Variants in TNNI3K observed in about 807,000 individuals in gnomAD.
TNNI3K encodes serine/threonine-protein kinase TNNI3K.
A neutral mutation model predicts 114.5 loss-of-function variants in TNNI3K; 140 were observed. The ratio of observed to expected loss-of-function variants is 1.22; its 90% CI spans 1.07 to 1.41. The LOEUF is 1.41. TNNI3K is among the 40% of genes most tolerant of loss of function. TNNI3K has a pLI of 0.00. For missense variants in TNNI3K, 1,125 were observed against 1,007.6 expected (o/e 1.12, Z -1.58); for synonymous variants, 347 against 347.5 (o/e 1.00, Z 0.02).
intron 5 of TNNI3K, among the ~76,000 whole-genome samples, chr1:74,277,164 C>T (rs1159990007): frequency 6.6e-6 from 1 of 152,080 alleles, no homozygotes; most frequent in Non-Finnish European, 1.5e-5. Flanking sequence ...CATTCACATA[C>T]ATTTGTCATT....
At chr1:74,337,506 G>A (rs1207885425) in intron 7 of TNNI3K, among the ~76,000 whole-genome samples, 2 of 152,214 alleles carry the variant, frequency 1.3e-5, no homozygotes, top group East Asian at 3.9e-4. Flanking sequence ...AAAGTAAAGA[G>A]TTCTCTTAGA....
intron 20 of TNNI3K, among the ~76,000 whole-genome samples, chr1:74,461,140 C>A (rs985248686): frequency 2.6e-5 from 4 of 152,140 alleles, no homozygotes; most frequent in Non-Finnish European, 4.4e-5. Flanking sequence ...TGCTGAGCAC[C>A]AGTTTGTTTG....
chr1:74,285,631 A>G (rs560986084), intron 5 of TNNI3K, among the ~76,000 whole-genome samples: 1 of 152,206 alleles, frequency 6.6e-6, no homozygotes, highest in Non-Finnish European at 1.5e-5. Context: ...GGAACTGCAC[A>G]CTAGAAATCA....
intron 17 of TNNI3K, among the ~76,000 whole-genome samples, chr1:74,427,483 T>C (rs1665693441): frequency 6.6e-6 from 1 of 152,050 alleles, no homozygotes; most frequent in South Asian, 2.1e-4. Context: ...AATCCAAGTT[T>C]CACAACCAAT....
Position 74,448,915 on chromosome 1 carries a change from TA to T in TNNI3K, c.2011+9297del, listed in dbSNP as rs1557572914. ...TCAATGTTCATCAAGGATATTGGTC[TA>T]AAATTCTCTTTTTTGGTTGTGTCTC... On this transcript the variant is annotated intron_variant, in intron 20 of 24. Transcript: ENST00000326637. Among the ~76,000 whole-genome samples, 2 of 65,284 alleles carry T rather than the reference TA, an allele frequency of 3.1e-5. 1 individual carries two copies. The highest frequency in any genetic ancestry group is 1.2e-4 in the African/African-American group (2 of 16,524). 42.8% of individuals were successfully genotyped at this position (65,284 alleles called of 152,430 possible).
intron 17 of TNNI3K, among the ~76,000 whole-genome samples, chr1:74,430,294 A>T (rs1168932392): frequency 6.6e-6 from 1 of 152,160 alleles, no homozygotes; most frequent in Admixed American, 6.6e-5. Context: ...CAGGCAATTA[A>T]AATGAAAAGA....
chr1:74,437,282 G>A (rs1666177515), intron 19 of TNNI3K, among the ~76,000 whole-genome samples: 3 of 151,976 alleles, frequency 2.0e-5, no homozygotes, highest in Non-Finnish European at 4.4e-5. Context: ...CTGGACTAGT[G>A]TCATAATAGG....
intron 2 of TNNI3K, among the ~76,000 whole-genome samples, chr1:74,245,618 A>G (rs568367043): frequency 2.6e-5 from 4 of 152,356 alleles, no homozygotes; most frequent in East Asian, 1.9e-4. Flanking sequence ...GAAAGGTACT[A>G]TAAATTCAGA....
intron 17 of TNNI3K, among the ~76,000 whole-genome samples, chr1:74,431,224 G>T (rs1665882517): frequency 6.6e-6 from 1 of 151,952 alleles, no homozygotes; most frequent in Non-Finnish European, 1.5e-5. Context: ...AAAATCACAG[G>T]ACTAGTAACA....
chr1:74,332,221 C>T (rs1660239089), intron 6 of TNNI3K, among the ~76,000 whole-genome samples: 1 of 151,810 alleles, frequency 6.6e-6, no homozygotes, highest in Admixed American at 6.6e-5. Flanking sequence ...TGAGCTTATA[C>T]TATGGGATAG....
In TNNI3K at chr1:74,492,244, TCCTATG is replaced by T. The variant is rs1669118013; in HGVS notation, c.2331_2336del (p.Tyr778_Ala779del). 1.2e-6 allele frequency: 2 copies of T among 1,601,528 alleles called. No homozygotes were observed. Among genetic ancestry groups the T allele is most frequent in the East Asian group, 4.5e-5 (2 of 44,670 alleles). On this transcript the variant is annotated inframe_deletion, in exon 23 of 25. Transcript: ENST00000326637. ...ATTGGAATATGCTCTAAATGCAAGG[TCCTATG>T]CTGCTTTGTCCCAAAGGTGAGTGGT...
intron 17 of TNNI3K, among the ~76,000 whole-genome samples, chr1:74,386,547 AG>A (rs1663489205): frequency 6.6e-6 from 1 of 152,188 alleles, no homozygotes; most frequent in South Asian, 2.1e-4. Context: ...ATCAAGTTCA[AG>A]AAAGGAAGCC....
intron 5 of TNNI3K, among the ~76,000 whole-genome samples, chr1:74,308,558 G>T (rs1000115313): frequency 5.3e-5 from 8 of 152,124 alleles, no homozygotes; most frequent in Non-Finnish European, 8.8e-5. Flanking sequence ...CAAGAAGATA[G>T]AAGGATCTCA....
chr1:74,483,625 T>A (rs561226933), intron 21 of TNNI3K, among the ~76,000 whole-genome samples: 2 of 152,304 alleles, frequency 1.3e-5, no homozygotes, highest in Admixed American at 1.3e-4. Context: ...TTTGAAAAAA[T>A]TAAGTTACTT....
At chr1:74,260,710 G>C (rs560038826) in intron 4 of TNNI3K, among the ~76,000 whole-genome samples, 43 of 152,012 alleles carry the variant, frequency 2.8e-4, no homozygotes, top group African/African-American at 9.9e-4. Flanking sequence ...TAAAAGAAAT[G>C]GATTGGATTT....
intron 5 of TNNI3K, among the ~76,000 whole-genome samples, chr1:74,306,971 T>G (rs1658681496): frequency 6.6e-6 from 1 of 152,186 alleles, no homozygotes. Context: ...CCAGGTCTTC[T>G]CATAGGGCTT....
intron 17 of TNNI3K, among the ~76,000 whole-genome samples, chr1:74,392,290 A>G (rs774304756): frequency 6.6e-6 from 1 of 152,198 alleles, no homozygotes; most frequent in Non-Finnish European, 1.5e-5. Context: ...GGAAAAGTAG[A>G]TGTTGCAAAA....
intron 23 of TNNI3K, among the ~76,000 whole-genome samples, chr1:74,505,070 A>T (rs1053781362): frequency 1.3e-5 from 2 of 152,294 alleles, no homozygotes; most frequent in African/African-American, 4.8e-5. Flanking sequence ...TCATTCCTGA[A>T]AATGAAGAGA....
chr1:74,528,555 A>C (rs182349434), intron 23 of TNNI3K, among the ~76,000 whole-genome samples: 2 of 152,310 alleles, frequency 1.3e-5, no homozygotes, highest in Admixed American at 1.3e-4. Context: ...TGATCAAATA[A>C]GTAAATATAT....
Sources: allele counts gnomAD v4.1 joint callset (sites outside exome capture counted in the v4.1 genomes callset), GRCh38; gene constraint gnomAD v4.1.1; transcripts MANE v1.5; gene names NCBI Gene and HGNC (gene_info 2026-07-23, HGNC 2026-07-21).